PFDN1: variants seen among roughly 807,000 people sequenced by gnomAD.
PFDN1 encodes prefoldin 1.
A neutral mutation model predicts 17.3 loss-of-function variants in PFDN1; 6 were observed. That is an observed-to-expected ratio of 0.35 (90% CI 0.19 to 0.69). The LOEUF (loss-of-function observed/expected upper bound fraction) is 0.69, where lower values mean the gene tolerates loss of function less well. PFDN1 is among the 30% of genes least tolerant of loss of function. The pLI, the probability that PFDN1 is intolerant of heterozygous loss-of-function variation, is 0.65. For missense variants in PFDN1, 113 were observed against 146.2 expected (o/e 0.77, Z 1.17); for synonymous variants, 58 against 50.1 (o/e 1.16, Z -0.67).
intron 3 of PFDN1, among the ~76,000 whole-genome samples, chr5:140,266,395 T>A (rs142683581): frequency 6.6e-6 from 1 of 152,338 alleles, no homozygotes; most frequent in African/African-American, 2.4e-5. Flanking sequence ...TTTCAAAGCC[T>A]GCAATGTCTA....
At chr5:140,279,136 T>C (rs1765349692) in intron 3 of PFDN1, among the ~76,000 whole-genome samples, 1 of 152,198 alleles carries the variant, frequency 6.6e-6, no homozygotes, top group Non-Finnish European at 1.5e-5. Context: ...AGGTTGTGTA[T>C]ATATATGCAT....
intron 1 of PFDN1, among the ~76,000 whole-genome samples, chr5:140,302,596 C>A (rs1765765055): frequency 6.6e-6 from 1 of 152,148 alleles, no homozygotes; most frequent in South Asian, 2.1e-4. Flanking sequence ...TTTCAAGGTA[C>A]AGAACCGAAT....
At chr5:140,260,258 G>A (rs936685193) in intron 3 of PFDN1, among the ~76,000 whole-genome samples, 35 of 151,936 alleles carry the variant, frequency 2.3e-4, no homozygotes, top group Admixed American at 6.6e-5. Context: ...GGAGAAACTG[G>A]AACCCTCATA....
At chr5:140,282,938 CTT>C (rs1765432454) in intron 2 of PFDN1, among the ~76,000 whole-genome samples, 1 of 152,228 alleles carries the variant, frequency 6.6e-6, no homozygotes, top group Non-Finnish European at 1.5e-5. Flanking sequence ...AACATCATCT[CTT>C]AACAAAAAGT....
chr5:140,299,305 T>C (rs1765700722), intron 2 of PFDN1, among the ~76,000 whole-genome samples: 1 of 152,174 alleles, frequency 6.6e-6, no homozygotes, highest in East Asian at 1.9e-4. Flanking sequence ...AAGTAAGCAC[T>C]TAAGAAATGT....
intron 3 of PFDN1, among the ~76,000 whole-genome samples, chr5:140,250,065 A>C (rs1764891151): frequency 6.6e-6 from 1 of 152,102 alleles, no homozygotes; most frequent in Non-Finnish European, 1.5e-5. Context: ...ACCCCATTTA[A>C]AGGGCTCTGC....
chr5:140,246,480 T>C lies in PFDN1; in HGVS notation c.286-423A>G, dbSNP rs1764831629. Among the ~76,000 whole-genome samples the C allele has an allele frequency of 2.6e-5, 4 of 152,222 alleles. No homozygotes were observed. In the South Asian group the frequency reaches 8.3e-4, roughly 31 times the overall value. ...CAGGCGTCTGTAGCCACTGCAGCTA[T>C]AAAATGGATGGTGCACGCTCTGCCC... On this transcript the variant is annotated intron_variant, in intron 3 of 3. Transcript: ENST00000261813.
chr5:140,274,816 C>T (rs1198470707), intron 3 of PFDN1, among the ~76,000 whole-genome samples: 2 of 151,744 alleles, frequency 1.3e-5, no homozygotes, highest in Non-Finnish European at 2.9e-5. Flanking sequence ...CCAGCCTGGC[C>T]AACATGGTGA....
chr5:140,245,439 C>T lies in PFDN1; in HGVS notation c.*535G>A, dbSNP rs1301688886. On this transcript the variant is annotated 3_prime_UTR_variant, in exon 4 of 4. Coordinates refer to ENST00000261813, the MANE Select transcript of PFDN1 (RefSeq NM_002622.5). ...CTGTGAACATCTGTTCTTTCTTCCTCTTCTGTCTACTGCATGCAGGCCCGG... is the reference window on the plus strand; with the variant it reads ...CTGTGAACATCTGTTCTTTCTTCCTTTTCTGTCTACTGCATGCAGGCCCGG... The T allele has an allele frequency of 2.8e-6, 2 of 702,454 alleles. No individual in the cohort carries two copies. The highest frequency in any genetic ancestry group is 4.0e-5 in the Admixed American group (2 of 49,992). The allele number at this position is 702,454 out of a possible 1,614,324, so 43.5% of individuals were successfully genotyped here. A position where few individuals can be genotyped will look rare whatever the true frequency, so the allele number is the denominator to read the frequency against.
At chr5:140,260,826 A>G (rs1300511352) in intron 3 of PFDN1, among the ~76,000 whole-genome samples, 3 of 151,948 alleles carry the variant, frequency 2.0e-5, no homozygotes, top group Non-Finnish European at 1.5e-5. Flanking sequence ...AAAAATATAT[A>G]TATCTCCTTT....
Position 140,248,846 on chromosome 5 carries a change from ATTT to A in PFDN1, c.286-2792_286-2790del, listed in dbSNP as rs552973242. 1.3e-4 allele frequency among the ~76,000 whole-genome samples: 20 copies of A among 152,242 alleles called. No homozygotes were observed. The South Asian group carries it at 3.1e-3, about 24-fold the overall frequency. On this transcript the variant is annotated intron_variant, in intron 3 of 3. Coordinates refer to ENST00000261813, the MANE Select transcript of PFDN1 (RefSeq NM_002622.5). ...GATGCAAATTAACATATCTATCTAT[ATTT>A]TTGTTTTGTTTCTAGAAATGGGGTC...
chr5:140,278,557 CAAAAAA>C (rs113129230), intron 3 of PFDN1, among the ~76,000 whole-genome samples: 28 of 79,010 alleles, frequency 3.5e-4, no homozygotes, highest in Admixed American at 6.6e-4. Context: ...GACTCTGTCT[CAAAAAA>C]AAAAAAAAAA....
At chr5:140,292,890 C>G (rs1186206898) in intron 2 of PFDN1, 1 of 152,088 alleles carries the variant, frequency 6.6e-6, no homozygotes, top group Non-Finnish European at 1.5e-5. Flanking sequence ...TATATATGAA[C>G]TGACTCACCT....
intron 2 of PFDN1, among the ~76,000 whole-genome samples, chr5:140,298,800 G>C (rs1270210391): frequency 3.3e-5 from 5 of 151,856 alleles, no homozygotes; most frequent in African/African-American, 7.3e-5. Context: ...TGTTGCCCAG[G>C]CTGGAGTGTA....
At chr5:140,265,616 A>G (rs538026932) in intron 3 of PFDN1, 176 of 151,842 alleles carry the variant, frequency 1.2e-3, no homozygotes, top group African/African-American at 4.0e-3. Context: ...GTTTTGGGGG[A>G]AAAAAAAATT....
chr5:140,258,743 CT>C (rs1015923925), intron 3 of PFDN1, among the ~76,000 whole-genome samples: 5 of 152,160 alleles, frequency 3.3e-5, no homozygotes, highest in African/African-American at 1.2e-4. Flanking sequence ...AGGGTGCTGC[CT>C]TTCACTGAGA....
chr5:140,253,598 A>AGT (rs2126679121), intron 3 of PFDN1, among the ~76,000 whole-genome samples: 1 of 152,284 alleles, frequency 6.6e-6, no homozygotes, highest in South Asian at 2.1e-4. Context: ...TGAAGCACAG[A>AGT]GCCAGGAGCG....
chr5:140,298,475 T>C, intron 2 of PFDN1, among the ~76,000 whole-genome samples: 2 of 141,714 alleles, frequency 1.4e-5, no homozygotes, highest in Non-Finnish European at 3.1e-5. Flanking sequence ...CCCCCCAACT[T>C]AAAAAAAAAA....
chr5:140,286,553 C>CATTG (rs1765493992), intron 2 of PFDN1, among the ~76,000 whole-genome samples: 1 of 132,748 alleles, frequency 7.5e-6, no homozygotes, highest in Non-Finnish European at 1.5e-5. Context: ...TTTTAAAATT[C>CATTG]ATTGCTCGAA....
Sources: allele counts gnomAD v4.1 joint callset (sites outside exome capture counted in the v4.1 genomes callset), GRCh38; gene constraint gnomAD v4.1.1; transcripts MANE v1.5; gene names NCBI Gene and HGNC (gene_info 2026-07-23, HGNC 2026-07-21).